NSFL1C: variants seen among roughly 807,000 people sequenced by gnomAD.
NSFL1C encodes the protein NSFL1 cofactor, also known as NSFL1 cofactor p47.
In NSFL1C, 14 loss-of-function variants were observed where a neutral mutation model predicts 43.1. The ratio of observed to expected loss-of-function variants is 0.32; its 90% CI spans 0.21 to 0.51. The LOEUF (loss-of-function observed/expected upper bound fraction) is 0.51. NSFL1C is among the 20% of genes least tolerant of loss of function. The probability of loss-of-function intolerance (pLI) is 0.98; values close to 1 mark genes in which losing one functional copy is unlikely to be tolerated. For synonymous variants in NSFL1C, 171 were observed against 183.5 expected, an observed-to-expected ratio of 0.93 and a Z score of 0.55; for missense variants, 406 against 472.5, an observed-to-expected ratio of 0.86 and a Z score of 1.30.
intron 6 of NSFL1C, 51 bp downstream of exon 6, chr20:1,452,980 A>G (rs777784765): frequency 4.2e-6 from 4 of 963,026 alleles, no homozygotes; most frequent in African/African-American, 1.6e-5. Flanking sequence ...TCCTTTCCCA[A>G]CTGCTATCCA....
In NSFL1C at chr20:1,442,540, T is replaced by C. The variant is rs2089969859; in HGVS notation, c.*1209A>G. 1 of 152,184 alleles carries C rather than the reference T, an allele frequency of 6.6e-6. No individual in the cohort carries two copies. Among genetic ancestry groups the C allele is most frequent in the Non-Finnish European group, 1.5e-5 (1 of 68,034 alleles). The allele number at this position is 152,184 out of a possible 1,614,324, so 9.4% of individuals were successfully genotyped here. A position where few individuals can be genotyped will look rare whatever the true frequency, so the allele number is the denominator to read the frequency against. ...CAGCACTGATTCTGTCTCTGGTTTG[T>C]TTAATACGGGAAAGGGTTCCATCCA... On this transcript the variant is annotated 3_prime_UTR_variant, in exon 9 of 9. Transcript: ENST00000216879.
chr20:1,443,824 T>C lies in NSFL1C; in HGVS notation c.1038A>G (p.Lys346=). The stretch of plus-strand genomic sequence containing the variant: ...GGGTCTGGCTCTCATCAGCCAGCTC[T>C]TTGTTCGGGAAAGTAGTCATGAGGA... ...SFILMTTFPN[K]ELADESQTLK... Residue 346 remains lysine (K), a synonymous_variant, in exon 9 of 9, where the codon AAA becomes AAG. Coordinates refer to ENST00000216879, the MANE Select transcript of NSFL1C (RefSeq NM_016143.5). The C allele has an allele frequency of 6.2e-7, 1 of 1,614,134 alleles. No homozygotes were observed. Among genetic ancestry groups the C allele is most frequent in the Non-Finnish European group, 8.5e-7 (1 of 1,180,030 alleles).
At chr20:1,458,644 G>A (rs932303879) in intron 2 of NSFL1C, among the ~76,000 whole-genome samples, 6 of 151,716 alleles carry the variant, frequency 4.0e-5, no homozygotes, top group South Asian at 2.1e-4. Flanking sequence ...ACAGCGGGGA[G>A]TAACAGGGAA....
chr20:1,448,033 T>C (rs2090102603), intron 7 of NSFL1C, among the ~76,000 whole-genome samples: 1 of 152,240 alleles, frequency 6.6e-6, no homozygotes, highest in Non-Finnish European at 1.5e-5. Flanking sequence ...ACGATGGTTT[T>C]AGAAAAATAA....
In NSFL1C at chr20:1,446,133, G is replaced by A. The variant is rs1017850085; in HGVS notation, c.786-303C>T. 3 of 489,080 alleles carry A rather than the reference G, an allele frequency of 6.1e-6. No individual in the cohort carries two copies. The East Asian group carries it at 1.5e-4, about 25-fold the overall frequency. 30.3% of individuals were successfully genotyped at this position (489,080 alleles called of 1,614,324 possible). A position where few individuals can be genotyped will look rare whatever the true frequency, so the allele number is the denominator to read the frequency against. On this transcript the variant is annotated intron_variant, in intron 7 of 8. Transcript: ENST00000216879. ...CTTCAACTGAACAAGGGCTTGAAGGGAGGAAAGCAGGACAGCCTAGGGTGG... is the reference window on the plus strand; with the variant it reads ...CTTCAACTGAACAAGGGCTTGAAGGAAGGAAAGCAGGACAGCCTAGGGTGG...
chr20:1,457,905 T>C, intron 3 of NSFL1C: 1 of 337,094 alleles, frequency 3.0e-6, no homozygotes, highest in South Asian at 4.0e-5. Context: ...AGACACCTCT[T>C]TACAAACTGA....
chr20:1,462,502 G>A (rs1434951993), intron 2 of NSFL1C, among the ~76,000 whole-genome samples: 2 of 151,334 alleles, frequency 1.3e-5, no homozygotes, highest in African/African-American at 4.9e-5. Flanking sequence ...TAAACTCTAT[G>A]TCCTTGATTC....
Position 1,445,821 on chromosome 20 carries a change from G to A in NSFL1C, c.795C>T (p.Pro265=). The change falls in exon 8 of 9, where the codon CCC becomes CCT. Residue 265 remains proline (P), a synonymous_variant. Transcript: ENST00000216879. ...CTGGAGAGCTGGTACTCAACACCTG[G>A]GGGGCAGTGCTGAGGAGAGAGGATG... ...GEGQKLGSTA[P]QVLSTSSPAQ... is the part of the protein sequence containing the mutation. 1 of 1,613,958 alleles carries A rather than the reference G, an allele frequency of 6.2e-7. No homozygotes were observed. The highest frequency in any genetic ancestry group is 8.5e-7 in the Non-Finnish European group (1 of 1,179,964).
At chr20:1,452,672 T>C (rs549962201) in intron 6 of NSFL1C, 42 bp from the exon 7 acceptor site, 3 of 1,610,008 alleles carry the variant, frequency 1.9e-6, no homozygotes, top group Non-Finnish European at 2.5e-6. Context: ...AGAGAGAAGA[T>C]GGAAATGACA....
At chr20:1,449,662 G>GT (rs2090144063) in intron 7 of NSFL1C, among the ~76,000 whole-genome samples, 1 of 152,150 alleles carries the variant, frequency 6.6e-6, no homozygotes, top group African/African-American at 2.4e-5. Context: ...TATAAATAGT[G>GT]TTTTTTGGTG....
chr20:1,457,963 T>C (rs894219514), intron 3 of NSFL1C: 27 of 410,442 alleles, frequency 6.6e-5, no homozygotes, highest in Non-Finnish European at 1.2e-4. Context: ...GCTAGATCTT[T>C]TCCTTGTTTC....
At chr20:1,457,895 A>G in intron 3 of NSFL1C, 1 of 305,732 alleles carries the variant, frequency 3.3e-6, no homozygotes. Context: ...ACGGGAACGT[A>G]GACACCTCTT....
At chr20:1,447,284 A>T (rs1568614118) in intron 7 of NSFL1C, among the ~76,000 whole-genome samples, 1 of 152,214 alleles carries the variant, frequency 6.6e-6, no homozygotes, top group Non-Finnish European at 1.5e-5. Flanking sequence ...AATAGTGAAT[A>T]GGTAAATCTC....
rs117806167 is a variant in NSFL1C, at chr20:1,458,484, G to A, written c.204-210C>T. Among the ~76,000 whole-genome samples, 154 of 152,274 alleles carry A rather than the reference G, an allele frequency of 1.0e-3. 1 individual carries two copies. The highest frequency in any genetic ancestry group is 2.7e-3 in the Admixed American group (41 of 15,296). On this transcript the variant is annotated intron_variant, in intron 2 of 8. Coordinates refer to ENST00000216879, the MANE Select transcript of NSFL1C (RefSeq NM_016143.5). ...GATCACACAGATTGAGTATAAATTA[G>A]AAAGTCCTATCATGAGGTAAAATGG...
At chr20:1,462,158 G>A (rs2090424272) in intron 2 of NSFL1C, among the ~76,000 whole-genome samples, 2 of 152,156 alleles carry the variant, frequency 1.3e-5, no homozygotes, top group South Asian at 4.1e-4. Flanking sequence ...CAACATAAAA[G>A]GGTATGTGAG....
At chr20:1,445,537 G>T in intron 8 of NSFL1C, 129 bp downstream of exon 8, 2 of 1,059,918 alleles carry the variant, frequency 1.9e-6, no homozygotes, top group Non-Finnish European at 1.4e-6. Context: ...CCACCCTCGT[G>T]TCTGCTTTGG....
At chr20:1,446,158 G>T in intron 7 of NSFL1C, 1 of 446,346 alleles carries the variant, frequency 2.2e-6, no homozygotes, top group Non-Finnish European at 4.3e-6. Flanking sequence ...GCCTAGGGTG[G>T]GAGAGACAGG....
chr20:1,451,090 T>C (rs1273998744), intron 7 of NSFL1C, among the ~76,000 whole-genome samples: 2 of 151,676 alleles, frequency 1.3e-5, no homozygotes, highest in South Asian at 4.1e-4. Flanking sequence ...ATTTTAATAA[T>C]CAAAGAAAAA....
chr20:1,461,280 G>A (rs2090406454), intron 2 of NSFL1C, among the ~76,000 whole-genome samples: 6 of 152,160 alleles, frequency 3.9e-5, no homozygotes. Flanking sequence ...CATGGATATA[G>A]TCAAAGAACT....
Sources: gnomAD v4.1 joint callset for allele counts (sites outside exome capture counted in the v4.1 genomes callset) on GRCh38, gnomAD v4.1.1 for gene constraint, MANE v1.5 for transcripts, NCBI Gene and HGNC (gene_info 2026-07-23, HGNC 2026-07-21) for gene names.